The following UNC5C variants were observed in gnomAD, a reference collection of about 807,000 sequenced individuals.
UNC5C encodes unc-5 netrin receptor C, also known as netrin receptor UNC5C.
A neutral mutation model predicts 99.8 loss-of-function variants in UNC5C; 47 were observed. That is an observed-to-expected ratio of 0.47 (90% CI 0.37 to 0.60). The LOEUF (loss-of-function observed/expected upper bound fraction) is 0.60, where lower values mean the gene tolerates loss of function less well. Among genes scored for constraint, UNC5C ranks in the 20% least tolerant of loss-of-function variants. The pLI is 0.00. For synonymous variants in UNC5C, 487 were observed against 452.2 expected (o/e 1.08, Z -0.98); for missense variants, 1,062 against 1,165.9 (o/e 0.91, Z 1.30).
intron 1 of UNC5C, among the ~76,000 whole-genome samples, chr4:95,515,906 A>G (rs947432328): frequency 6.6e-6 from 1 of 152,224 alleles, no homozygotes; most frequent in African/African-American, 2.4e-5. Flanking sequence ...TTGTGTAAAC[A>G]TTAACCAAAC....
intron 1 of UNC5C, among the ~76,000 whole-genome samples, chr4:95,350,438 G>A (rs1466089084): frequency 6.6e-6 from 1 of 151,652 alleles, no homozygotes; most frequent in African/African-American, 2.4e-5. Context: ...AGTGAGCTGA[G>A]ATCGTGCCAC....
intron 9 of UNC5C, among the ~76,000 whole-genome samples, 182 bp from the exon 10 acceptor site, chr4:95,216,393 T>C (rs1010085040): frequency 1.3e-5 from 2 of 152,176 alleles, no homozygotes; most frequent in Admixed American, 6.6e-5. Flanking sequence ...TCTGAACTCT[T>C]ATGCAATTAC....
rs1049165119 is a variant in UNC5C at position 95,548,249 on chromosome 4, G to C, written c.124+485C>G. Among the ~76,000 whole-genome samples the C allele has an allele frequency of 4.6e-5, 7 of 152,188 alleles. No individual in the cohort carries two copies. In the East Asian group the frequency reaches 1.4e-3, roughly 30 times the overall value. On this transcript the variant is annotated intron_variant, in intron 1 of 15. Coordinates refer to ENST00000453304, the MANE Select transcript of UNC5C (RefSeq NM_003728.4). Reference sequence around the variant, plus strand: ...ACATTTCCTTAGCTGAGCGCCCTTCGGGGTCTAGTGTGCTCAGAGACTCAG... The same window carrying C: ...ACATTTCCTTAGCTGAGCGCCCTTCCGGGTCTAGTGTGCTCAGAGACTCAG...
intron 3 of UNC5C, among the ~76,000 whole-genome samples, chr4:95,301,191 C>T (rs1050344784): frequency 7.4e-6 from 1 of 134,804 alleles, no homozygotes; most frequent in African/African-American, 2.7e-5. Flanking sequence ...AGTTTTTTTC[C>T]AGGATTTTTT....
At chr4:95,386,370 C>G (rs1479521166) in intron 1 of UNC5C, among the ~76,000 whole-genome samples, 2 of 152,126 alleles carry the variant, frequency 1.3e-5, no homozygotes, top group East Asian at 1.9e-4. Flanking sequence ...CCTCCCCCAT[C>G]CCCCTACCCC....
intron 1 of UNC5C, among the ~76,000 whole-genome samples, chr4:95,490,745 G>T (rs901595219): frequency 6.6e-6 from 1 of 151,716 alleles, no homozygotes; most frequent in Non-Finnish European, 1.5e-5. Context: ...TAACTCTGAA[G>T]TTTTTCACTT....
intron 1 of UNC5C, among the ~76,000 whole-genome samples, chr4:95,502,314 G>A (rs1721795366): frequency 6.6e-6 from 1 of 152,060 alleles, no homozygotes; most frequent in Non-Finnish European, 1.5e-5. Flanking sequence ...CTGTTGCCCA[G>A]GCTGCCTGCA....
intron 1 of UNC5C, among the ~76,000 whole-genome samples, chr4:95,475,605 C>A (rs1560847509): frequency 6.6e-6 from 1 of 151,982 alleles, no homozygotes; most frequent in Non-Finnish European, 1.5e-5. Context: ...AGTCAGAAGA[C>A]ATCCAGAATA....
At chr4:95,371,127 C>G (rs912437062) in intron 1 of UNC5C, among the ~76,000 whole-genome samples, 1 of 152,056 alleles carries the variant, frequency 6.6e-6, no homozygotes, top group Non-Finnish European at 1.5e-5. Flanking sequence ...ATTGTTTAGT[C>G]CAAAAAACAT....
chr4:95,222,290 C>A, intron 7 of UNC5C: 31 of 1,357,466 alleles, frequency 2.3e-5, no homozygotes, highest in South Asian at 7.9e-5. Flanking sequence ...AAAAATGAAA[C>A]AAAAATGGGA....
chr4:95,232,316 T>G (rs944575456), intron 7 of UNC5C, among the ~76,000 whole-genome samples: 8 of 151,474 alleles, frequency 5.3e-5, no homozygotes, highest in Non-Finnish European at 1.0e-4. Context: ...TATAATGGAC[T>G]CTATCCCCGT....
intron 7 of UNC5C, 101 bp downstream of exon 7, chr4:95,242,328 G>T (rs1739353810): frequency 6.8e-7 from 1 of 1,469,388 alleles, no homozygotes; most frequent in Non-Finnish European, 9.2e-7. Flanking sequence ...GCATTTTATT[G>T]TTGTTGAAAG....
At chr4:95,456,184 T>C (rs963268917) in intron 1 of UNC5C, among the ~76,000 whole-genome samples, 1 of 152,096 alleles carries the variant, frequency 6.6e-6, no homozygotes, top group Admixed American at 6.6e-5. Flanking sequence ...AGCCTTAATA[T>C]GGAGGAACAC....
intron 14 of UNC5C, among the ~76,000 whole-genome samples, chr4:95,178,047 A>G (rs1248098762): frequency 1.3e-5 from 2 of 152,108 alleles, no homozygotes; most frequent in Admixed American, 1.3e-4. Flanking sequence ...GTTGGCTGGT[A>G]TGAGGCTGCA....
chr4:95,219,387 C>T, intron 8 of UNC5C, 74 bp from the exon 9 acceptor site: 13 of 1,445,568 alleles, frequency 9.0e-6, no homozygotes, highest in Non-Finnish European at 1.2e-5. Context: ...GACTCCCCCT[C>T]ACACTTTCTG....
rs1560726711 is a variant in UNC5C at position 95,196,823 on chromosome 4, A to ATATTTATGTAATATATAATATATATT, written c.2136+5907_2136+5908insAATATATATTATATATTACATAAATA. ...TTTATGTAATATATAATATATATTT[A>ATATTTATGTAATATATAATATATATT]TATATTATATTTATGTAATATATAA... is the stretch of plus-strand genomic sequence containing the variant. On this transcript the variant is annotated intron_variant, in intron 12 of 15. Coordinates refer to ENST00000453304, the MANE Select transcript of UNC5C (RefSeq NM_003728.4). Among the ~76,000 whole-genome samples, 6 of 16,308 alleles carry ATATTTATGTAATATATAATATATATT rather than the reference A, an allele frequency of 3.7e-4. 1 individual carries two copies. The highest frequency in any genetic ancestry group is 4.3e-4 in the Non-Finnish European group (4 of 9,304). 10.7% of individuals were successfully genotyped at this position (16,308 alleles called of 152,430 possible).
intron 1 of UNC5C, among the ~76,000 whole-genome samples, chr4:95,361,492 C>T (rs1744392293): frequency 6.6e-6 from 1 of 152,130 alleles, no homozygotes; most frequent in South Asian, 2.1e-4. Context: ...ATGTGCTGCT[C>T]TGTGCAGATG....
intron 1 of UNC5C, among the ~76,000 whole-genome samples, chr4:95,365,647 G>A (rs1276917232): frequency 6.6e-6 from 1 of 151,942 alleles, no homozygotes; most frequent in Non-Finnish European, 1.5e-5. Context: ...GTGTCAAAGT[G>A]CCAATTGATC....
At chr4:95,172,318 C>T (rs1389656174) in intron 14 of UNC5C, among the ~76,000 whole-genome samples, 1 of 150,956 alleles carries the variant, frequency 6.6e-6, no homozygotes, top group Non-Finnish European at 1.5e-5. Context: ...CTTGCCCATG[C>T]CTATGTCCTG....
Sources: gnomAD v4.1 joint callset for allele counts (sites outside exome capture counted in the v4.1 genomes callset) on GRCh38, gnomAD v4.1.1 for gene constraint, MANE v1.5 for transcripts, NCBI Gene and HGNC (gene_info 2026-07-23, HGNC 2026-07-21) for gene names.